The following TMEM39B variants were observed in gnomAD, a reference collection of about 807,000 sequenced individuals.
TMEM39B encodes the protein transmembrane protein 39B.
A neutral mutation model predicts 52.2 loss-of-function variants in TMEM39B; 23 were observed. That is an observed-to-expected ratio of 0.44 (90% CI 0.32 to 0.62). TMEM39B has a LOEUF of 0.62. TMEM39B is among the 20% of genes least tolerant of loss of function. The pLI, the probability that TMEM39B is intolerant of heterozygous loss-of-function variation, is 0.06. For synonymous variants in TMEM39B, 285 were observed against 264.0 expected, an observed-to-expected ratio of 1.08 and a Z score of -0.77; for missense variants, 547 against 642.0, an observed-to-expected ratio of 0.85 and a Z score of 1.60.
intron 7 of TMEM39B, among the ~76,000 whole-genome samples, chr1:32,097,511 T>C (rs1640856638): frequency 6.6e-6 from 1 of 151,780 alleles, no homozygotes; most frequent in South Asian, 2.1e-4. Flanking sequence ...TTTGTATTTT[T>C]AGTAGAGATG....
intron 1 of TMEM39B, 151 bp downstream of exon 1, chr1:32,073,202 G>A: frequency 2.7e-6 from 2 of 751,078 alleles, no homozygotes; most frequent in Non-Finnish European, 3.6e-6. Flanking sequence ...CCCTCCTGTC[G>A]TTTTGCGGGG....
At chr1:32,077,080 A>C (rs1383169997) in intron 4 of TMEM39B, 84 bp from the exon 5 acceptor site, 1 of 1,565,856 alleles carries the variant, frequency 6.4e-7, no homozygotes, top group African/African-American at 1.4e-5. Flanking sequence ...GGGTGGGATC[A>C]CAGGTCATGC....
rs779207678 is a variant in TMEM39B at position 32,091,768 on chromosome 1, G to A, written c.684G>A (p.Ala228=). The part of the protein sequence containing the change: ...NHMASMGPRE[A]VSGLAKSRDY... ...TGGCCTCCATGGGGCCCCGGGAGGC[G>A]GTCAGTGGCCTGGCAAAGAGCCGGG... Residue 228 remains alanine (A), a synonymous_variant, in exon 6 of 9, where the codon GCG becomes GCA. Transcript: ENST00000336294. 2.3e-5 allele frequency: 37 copies of A among 1,614,068 alleles called. No individual in the cohort carries two copies. Among genetic ancestry groups the A allele is most frequent in the Non-Finnish European group, 2.6e-5 (31 of 1,180,052 alleles).
chr1:32,094,868 C>T lies in TMEM39B; in HGVS notation c.1012C>T (p.Leu338=). Residue 338 remains leucine (L), a synonymous_variant, in exon 7 of 9, where the codon CTG becomes TTG. Transcript: ENST00000336294. ...ISTSVILMQH[L]LPASYCDLLH... ...CACCTCCGTGATCCTCATGCAGCAC[C>T]TGCTGCCTGCCAGCTACTGTGACCT... 1 of 1,614,198 alleles carries T rather than the reference C, an allele frequency of 6.2e-7. No homozygotes were observed.
At chr1:32,086,054 G>A (rs1372395147) in intron 5 of TMEM39B, among the ~76,000 whole-genome samples, 1 of 152,122 alleles carries the variant, frequency 6.6e-6, no homozygotes, top group Non-Finnish European at 1.5e-5. Context: ...AGGCCAGAAA[G>A]GGAGTGGTGG....
At chr1:32,080,468 A>T (rs1557913917) in intron 5 of TMEM39B, among the ~76,000 whole-genome samples, 1 of 151,404 alleles carries the variant, frequency 6.6e-6, no homozygotes, top group Non-Finnish European at 1.5e-5. Flanking sequence ...GATTGAGACC[A>T]TCCTGGCTAA....
chr1:32,076,390 C>G, intron 3 of TMEM39B: 1 of 361,082 alleles, frequency 2.8e-6, no homozygotes, highest in South Asian at 2.1e-5. Flanking sequence ...GGATTACAGG[C>G]GTGAGCCACC....
In TMEM39B at chr1:32,073,433, T is replaced by G. The variant is rs1639723837; in HGVS notation, c.4+382T>G. 11 of 562,248 alleles carry G rather than the reference T, an allele frequency of 2.0e-5. No individual in the cohort carries two copies. In the East Asian group the frequency reaches 2.5e-4, roughly 13 times the overall value. 34.8% of individuals were successfully genotyped at this position (562,248 alleles called of 1,614,324 possible). ...GTTGGAGGGGTTACACTGGGGGCGG[T>G]GGAGCGGGGAGACTTCCGACTGAGG... On this transcript the variant is annotated intron_variant, in intron 1 of 8. Transcript: ENST00000336294.
chr1:32,092,687 C>A (rs1012515925), intron 6 of TMEM39B, among the ~76,000 whole-genome samples: 1 of 152,052 alleles, frequency 6.6e-6, no homozygotes, highest in Non-Finnish European at 1.5e-5. Context: ...GACGGGGTTT[C>A]ATGATGTTGG....
At chr1:32,082,275 A>G (rs1324360391) in intron 5 of TMEM39B, among the ~76,000 whole-genome samples, 1 of 151,964 alleles carries the variant, frequency 6.6e-6, no homozygotes, top group African/African-American at 2.4e-5. Flanking sequence ...CTATGTAACC[A>G]CATTTAAGCC....
At chr1:32,084,407 C>A (rs775095386) in intron 5 of TMEM39B, among the ~76,000 whole-genome samples, 1 of 152,104 alleles carries the variant, frequency 6.6e-6, no homozygotes, top group Non-Finnish European at 1.5e-5. Context: ...CTTCCTGAAT[C>A]CCATGTCTTC....
At chr1:32,081,065 G>A (rs1640074031) in intron 5 of TMEM39B, among the ~76,000 whole-genome samples, 1 of 151,756 alleles carries the variant, frequency 6.6e-6, no homozygotes, top group Non-Finnish European at 1.5e-5. Context: ...AAAAACATTA[G>A]TCTCCAATCC....
chr1:32,079,343 C>T (rs896558468), intron 5 of TMEM39B, among the ~76,000 whole-genome samples: 2 of 151,866 alleles, frequency 1.3e-5, no homozygotes, highest in Admixed American at 6.6e-5. Context: ...TGCCACCACA[C>T]CTAGCTAATT....
At chr1:32,074,267 GA>G (rs1303774064) in intron 1 of TMEM39B, among the ~76,000 whole-genome samples, 1 of 152,132 alleles carries the variant, frequency 6.6e-6, no homozygotes, top group Admixed American at 6.6e-5. Context: ...GGCCCTGGAT[GA>G]AAAAGCTGTC....
intron 5 of TMEM39B, among the ~76,000 whole-genome samples, chr1:32,083,605 G>A (rs560380410): frequency 1.3e-5 from 2 of 150,334 alleles, no homozygotes; most frequent in East Asian, 3.9e-4. Flanking sequence ...TGTATTTTTA[G>A]TAGAGACGGG....
At chr1:32,076,155 A>G (rs1167740105) in intron 3 of TMEM39B, 1 of 132,058 alleles carries the variant, frequency 7.6e-6, no homozygotes, top group Non-Finnish European at 1.4e-5. Flanking sequence ...GTTGTTGCCC[A>G]GGCTGGAGTG....
chr1:32,100,580 G>A lies in TMEM39B; in HGVS notation c.1236+18G>A. 1.2e-6 allele frequency: 2 copies of A among 1,614,172 alleles called. No individual in the cohort carries two copies. Among genetic ancestry groups the A allele is most frequent in the Non-Finnish European group, 1.7e-6 (2 of 1,180,014 alleles). ...GCTTCCATGTGAGTCTCCTCCCCGG[G>A]GAAGGAGGGTTGGGGCCTGAGAGGG... On this transcript the variant is annotated intron_variant, in intron 8 of 8. Transcript: ENST00000336294.
chr1:32,072,881 C>T, upstream of TMEM39B: 1 of 894,204 alleles, frequency 1.1e-6, no homozygotes. Context: ...AAGAAGCGCG[C>T]GCCAGCTTCC....
chr1:32,096,793 C>T (rs901436534), intron 7 of TMEM39B, among the ~76,000 whole-genome samples: 2 of 150,432 alleles, frequency 1.3e-5, no homozygotes, highest in Non-Finnish European at 2.9e-5. Context: ...AATTTCCATA[C>T]AGTGAAATGT....
Sources: allele counts gnomAD v4.1 joint callset (sites outside exome capture counted in the v4.1 genomes callset), GRCh38; gene constraint gnomAD v4.1.1; transcripts MANE v1.5; gene names NCBI Gene and HGNC (gene_info 2026-07-23, HGNC 2026-07-21).